The following ATP8A2 variants were observed in gnomAD, a reference collection of about 807,000 sequenced individuals.
ATP8A2 encodes the protein phospholipid-transporting ATPase IB.
Under a neutral mutation model 165.6 loss-of-function variants are expected in ATP8A2, and 100 were observed. The ratio of observed to expected loss-of-function variants is 0.60; its 90% confidence interval spans 0.51 to 0.71. ATP8A2 has a LOEUF of 0.71. ATP8A2 is among the 30% of genes least tolerant of loss of function. The pLI is 0.00. For missense variants in ATP8A2, 1,227 were observed against 1,479.5 expected (o/e 0.83, Z 2.80); for synonymous variants, 543 against 548.8 (o/e 0.99, Z 0.15).
chr13:25,560,733 A>G (rs2039121492), intron 15 of ATP8A2, among the ~76,000 whole-genome samples: 1 of 151,184 alleles, frequency 6.6e-6, no homozygotes, highest in South Asian at 2.1e-4. Flanking sequence ...AAGACAAATT[A>G]AAAACATTTA....
At chr13:25,543,112 G>A (rs973863369) in intron 9 of ATP8A2, among the ~76,000 whole-genome samples, 179 bp from the exon 10 acceptor site, 3 of 152,100 alleles carry the variant, frequency 2.0e-5, no homozygotes, top group African/African-American at 4.8e-5. Flanking sequence ...AAAGCTTTCT[G>A]TGGGTCCTTT....
rs1368043126 is a variant in ATP8A2 at position 25,953,653 on chromosome 13, T to C, written c.3184-7922T>C. On this transcript the variant is annotated intron_variant, in intron 33 of 36. Coordinates refer to ENST00000381655, the MANE Select transcript of ATP8A2 (RefSeq NM_016529.6). The surrounding 1 kb of genome is among the most constrained non-coding windows in gnomAD (Gnocchi z 6.7). ...TTTCTGCATTTCCAGCTGAGGAACC[T>C]GGTTCATCTCACTGGGACTGGTTAG... Among the ~76,000 whole-genome samples the C allele has an allele frequency of 2.0e-5, 3 of 151,386 alleles. No individual in the cohort carries two copies. The highest frequency in any genetic ancestry group is 4.4e-5 in the Non-Finnish European group (3 of 67,878).
At chr13:25,772,858 C>T (rs1343252220) in intron 26 of ATP8A2, among the ~76,000 whole-genome samples, 2 of 152,004 alleles carry the variant, frequency 1.3e-5, no homozygotes, top group Non-Finnish European at 2.9e-5. Flanking sequence ...CTCCTGGGTT[C>T]AAGTGATTGT....
chr13:25,375,594 T>A (rs1007952358), intron 1 of ATP8A2, among the ~76,000 whole-genome samples: 28 of 151,946 alleles, frequency 1.8e-4, no homozygotes, highest in Non-Finnish European at 2.9e-4. Flanking sequence ...TCTTTTTTTT[T>A]TTTTATTTTG....
At chr13:25,730,329 C>T (rs2043592854) in intron 25 of ATP8A2, among the ~76,000 whole-genome samples, 3 of 152,066 alleles carry the variant, frequency 2.0e-5, no homozygotes. Context: ...AAGCAAAAGT[C>T]TCTTTAAGAC....
At chr13:25,916,333 A>G (rs1162907109) in intron 33 of ATP8A2, among the ~76,000 whole-genome samples, 3 of 152,218 alleles carry the variant, frequency 2.0e-5, no homozygotes, top group Non-Finnish European at 2.9e-5. Flanking sequence ...GGTCTGAGCC[A>G]GAGAACTGTG....
chr13:25,896,638 A>C (rs1953559472), intron 33 of ATP8A2, among the ~76,000 whole-genome samples: 1 of 152,148 alleles, frequency 6.6e-6, no homozygotes, highest in Non-Finnish European at 1.5e-5. Flanking sequence ...TGGGGTGTTA[A>C]AGTCTCCCAT....
At chr13:25,413,482 A>G (rs559878124) in intron 1 of ATP8A2, among the ~76,000 whole-genome samples, 3 of 151,986 alleles carry the variant, frequency 2.0e-5, no homozygotes, top group East Asian at 1.9e-4. Context: ...GAGTTTTGCC[A>G]TGTTGGCCAG....
chr13:25,836,885 C>G (rs887457948), intron 28 of ATP8A2, among the ~76,000 whole-genome samples: 2 of 152,168 alleles, frequency 1.3e-5, no homozygotes, highest in East Asian at 3.9e-4. Context: ...CATCAGTCTT[C>G]GTTTTACAAA....
chr13:25,901,450 G>T (rs1953744601), intron 33 of ATP8A2, among the ~76,000 whole-genome samples: 1 of 150,216 alleles, frequency 6.7e-6, no homozygotes, highest in African/African-American at 2.4e-5. Flanking sequence ...GGGAAGTTTT[G>T]TGCACCCATG....
chr13:25,604,368 G>C (rs1263555261), intron 24 of ATP8A2, among the ~76,000 whole-genome samples: 1 of 152,178 alleles, frequency 6.6e-6, no homozygotes, highest in East Asian at 1.9e-4. Flanking sequence ...ATGAATGCTT[G>C]ATTGGAGTGA....
At chr13:25,706,101 CAG>C (rs1336662654) in intron 25 of ATP8A2, among the ~76,000 whole-genome samples, 1 of 152,140 alleles carries the variant, frequency 6.6e-6, no homozygotes, top group Non-Finnish European at 1.5e-5. Flanking sequence ...GGCTTAGAGT[CAG>C]AGAGAGATGA....
intron 33 of ATP8A2, among the ~76,000 whole-genome samples, chr13:25,931,542 G>A (rs1475086200): frequency 6.6e-6 from 1 of 152,146 alleles, no homozygotes; most frequent in Non-Finnish European, 1.5e-5. Context: ...ACTGACGAGT[G>A]CAGAACCTTG....
intron 16 of ATP8A2, among the ~76,000 whole-genome samples, chr13:25,570,564 G>A (rs139675612): frequency 6.6e-6 from 1 of 152,246 alleles, no homozygotes; most frequent in African/African-American, 2.4e-5. Context: ...AGAAACCTGG[G>A]GATTAGTGCG....
At chr13:25,479,940 C>A (rs1193882925) in intron 2 of ATP8A2, among the ~76,000 whole-genome samples, 1 of 152,120 alleles carries the variant, frequency 6.6e-6, no homozygotes, top group Admixed American at 6.5e-5. Context: ...TTTTCCCCAC[C>A]TTTCCCCGCT....
chr13:25,443,516 C>G (rs777300715), intron 1 of ATP8A2, among the ~76,000 whole-genome samples: 5 of 152,170 alleles, frequency 3.3e-5, no homozygotes, highest in African/African-American at 4.8e-5. Flanking sequence ...GTGAGTGGAT[C>G]ATACTTCACA....
chr13:25,406,147 A>G (rs2033795022), intron 1 of ATP8A2, among the ~76,000 whole-genome samples: 1 of 152,320 alleles, frequency 6.6e-6, no homozygotes, highest in South Asian at 2.1e-4. Context: ...GAGACGCTGA[A>G]GAAAGAGGTT....
Position 25,996,797 on chromosome 13 carries a change from C to A in ATP8A2, c.3378-15734C>A, listed in dbSNP as rs113326433. Among the ~76,000 whole-genome samples the A allele has an allele frequency of 8.5e-5, 13 of 152,372 alleles. 2 individuals carry two copies. The highest frequency in any genetic ancestry group is 3.1e-4 in the African/African-American group (13 of 41,596). ...CTCCTGGGTTCAAGCATTTCTTCTG[C>A]CTCAGCCTCCCAAGTAGCTGGGATT... On this transcript the variant is annotated intron_variant, in intron 35 of 36. Transcript: ENST00000381655.
chr13:25,980,065 A>T (rs1290339589), intron 35 of ATP8A2, among the ~76,000 whole-genome samples: 2 of 152,222 alleles, frequency 1.3e-5, no homozygotes, highest in Non-Finnish European at 2.9e-5. Flanking sequence ...ACAGTCATGC[A>T]AAAATGTGAT....
Sources: gnomAD v4.1 joint callset for allele counts (sites outside exome capture counted in the v4.1 genomes callset) on GRCh38, gnomAD v4.1.1 for gene constraint, Gnocchi (gnomAD v3.1) non-coding constraint, MANE v1.5 for transcripts, NCBI Gene and HGNC (gene_info 2026-07-23, HGNC 2026-07-21) for gene names.